The following TBL1Y variants were observed in gnomAD, a reference collection of about 807,000 sequenced individuals.
TBL1Y encodes the protein F-box-like/WD repeat-containing protein TBL1Y.
In TBL1Y, 15 loss-of-function variants were observed where a neutral mutation model predicts 12.0. That is an observed-to-expected ratio of 1.25 (90% CI 0.83 to 1.92). The LOEUF (loss-of-function observed/expected upper bound fraction) is 1.92. Ranked by LOEUF, TBL1Y falls within the 40% of genes most tolerant of loss-of-function variation. TBL1Y has a pLI of 0.00. For synonymous variants in TBL1Y, 53 were observed against 42.6 expected (o/e 1.24, Z -0.95); for missense variants, 148 against 116.7 (o/e 1.27, Z -1.24).
intron 2 of TBL1Y, among the ~76,000 whole-genome samples, chrY:6,940,246 C>A (rs2011943537): frequency 3.4e-5 from 1 of 29,843 alleles, no homozygotes; most frequent in Admixed American, 3.0e-4. Flanking sequence ...GGAGGACAGA[C>A]TCCCTTTCAA....
At chrY:7,001,980 G>A (rs2012455855) in intron 4 of TBL1Y, among the ~76,000 whole-genome samples, 1 of 34,070 alleles carries the variant, frequency 2.9e-5, no homozygotes. Context: ...TAGTGTTCAC[G>A]CTCATTATAA....
At chrY:7,036,522 A>C in intron 6 of TBL1Y, among the ~76,000 whole-genome samples, 1 of 33,694 alleles carries the variant, frequency 3.0e-5, no homozygotes, top group Non-Finnish European at 7.4e-5. Context: ...GCAGGGGGTG[A>C]CAAGGGAATT....
At chrY:7,029,430 A>G (rs2012643053) in intron 6 of TBL1Y, among the ~76,000 whole-genome samples, 2 of 32,776 alleles carry the variant, frequency 6.1e-5, no homozygotes, top group African/African-American at 1.2e-4. Context: ...GTGCCACCTC[A>G]CCTGGCTAAT....
At chrY:6,995,541 A>C in intron 3 of TBL1Y, among the ~76,000 whole-genome samples, 1 of 33,744 alleles carries the variant, frequency 3.0e-5, no homozygotes, top group African/African-American at 1.2e-4. Context: ...CAGCAAGGTC[A>C]AAAGCCAGAT....
chrY:6,920,418 A>T (rs895470204), intron 2 of TBL1Y: 1 of 34,327 alleles, frequency 2.9e-5, no homozygotes, highest in African/African-American at 1.1e-4. Flanking sequence ...CAGACTAAAA[A>T]TATCAAGTTG....
chrY:6,974,102 C>G (rs2124123904), intron 2 of TBL1Y, among the ~76,000 whole-genome samples: 1 of 33,829 alleles, frequency 3.0e-5, no homozygotes, highest in Non-Finnish European at 7.3e-5. Flanking sequence ...TTATTCTACA[C>G]TTCCAAGGCC....
chrY:7,028,454 T>C, intron 6 of TBL1Y, among the ~76,000 whole-genome samples: 2 of 34,091 alleles, frequency 5.9e-5, no homozygotes, highest in African/African-American at 1.1e-4. Flanking sequence ...CAGGCAGATG[T>C]CAGGTCATCT....
chrY:6,914,714 AC>A (rs2011723105), intron 2 of TBL1Y, among the ~76,000 whole-genome samples: 1 of 31,963 alleles, frequency 3.1e-5, no homozygotes, highest in Non-Finnish European at 7.6e-5. Context: ...AACAAACAAA[AC>A]CCCAAACAAC....
At chrY:7,072,651 C>T (rs959214886) in intron 12 of TBL1Y, among the ~76,000 whole-genome samples, 6 of 34,410 alleles carry the variant, frequency 1.7e-4, no homozygotes, top group Non-Finnish European at 2.9e-4. Context: ...AGATGGCCTA[C>T]GAAGCCGTTT....
chrY:7,033,607 G>A (rs2012669086), intron 6 of TBL1Y, among the ~76,000 whole-genome samples: 2 of 33,299 alleles, frequency 6.0e-5, no homozygotes, highest in African/African-American at 2.4e-4. Context: ...AAAAAATCCA[G>A]CAGTACATCA....
At chrY:7,062,753 C>T in intron 7 of TBL1Y, among the ~76,000 whole-genome samples, 1 of 33,301 alleles carries the variant, frequency 3.0e-5, no homozygotes, top group Non-Finnish European at 7.4e-5. Context: ...GCTCAATTTC[C>T]CCACTGGAAA....
intron 2 of TBL1Y, among the ~76,000 whole-genome samples, chrY:6,949,299 T>C (rs769822611): frequency 3.0e-5 from 1 of 33,727 alleles, no homozygotes; most frequent in African/African-American, 1.1e-4. Context: ...CAGATATCAT[T>C]GGTTCCATTG....
chrY:7,038,853 G>C (rs2012708451), intron 6 of TBL1Y, among the ~76,000 whole-genome samples: 3 of 33,559 alleles, frequency 8.9e-5, no homozygotes, highest in Admixed American at 2.7e-4. Flanking sequence ...TTCTGCACCT[G>C]CCGCTGGAGC....
chrY:6,974,245 G>A, intron 2 of TBL1Y, among the ~76,000 whole-genome samples: 1 of 33,854 alleles, frequency 3.0e-5, no homozygotes, highest in African/African-American at 1.2e-4. Flanking sequence ...GAGCCAAATT[G>A]TTAAGGGATT....
chrY:7,064,580 C>A, intron 8 of TBL1Y, among the ~76,000 whole-genome samples: 5 of 33,775 alleles, frequency 1.5e-4, no homozygotes, highest in Admixed American at 1.3e-3. Flanking sequence ...CTTATTTGGT[C>A]TTTGCAAAAT....
intron 6 of TBL1Y, among the ~76,000 whole-genome samples, chrY:7,033,626 A>G: frequency 3.0e-5 from 1 of 33,419 alleles, no homozygotes; most frequent in Non-Finnish European, 7.4e-5. Flanking sequence ...CAAAAAGCTT[A>G]TCCACCACGA....
chrY:7,062,961 C>G, intron 7 of TBL1Y, among the ~76,000 whole-genome samples: 2 of 33,870 alleles, frequency 5.9e-5, no homozygotes, highest in Non-Finnish European at 1.5e-4. Flanking sequence ...CTGGTCTGTG[C>G]ACAGAGTAAT....
intron 7 of TBL1Y, among the ~76,000 whole-genome samples, chrY:7,053,893 C>A: frequency 2.9e-5 from 1 of 33,922 alleles, no homozygotes; most frequent in African/African-American, 1.1e-4. Flanking sequence ...TTAAGCAAAC[C>A]AGCAGTGGCA....
chrY:7,074,750 A>G, intron 13 of TBL1Y, 130 bp downstream of exon 13: 9 of 177,833 alleles, frequency 5.1e-5, no homozygotes, highest in Non-Finnish European at 9.0e-5. Flanking sequence ...TCATGTCTCA[A>G]GTGAGACTCC....
Sources: allele counts gnomAD v4.1 joint callset (sites outside exome capture counted in the v4.1 genomes callset), GRCh38; gene constraint gnomAD v4.1.1; transcripts MANE v1.5; gene names NCBI Gene and HGNC (gene_info 2026-07-23, HGNC 2026-07-21).